The following SLC36A4 variants were observed in gnomAD, a reference collection of about 807,000 sequenced individuals.
The protein encoded by SLC36A4 is neutral amino acid uniporter 4.
A neutral mutation model predicts 50.5 loss-of-function variants in SLC36A4; 49 were observed. The observed-to-expected ratio is 0.97, with a 90% confidence interval of 0.77 to 1.23. The LOEUF (loss-of-function observed/expected upper bound fraction) is 1.23, where lower values mean the gene tolerates loss of function less well. Among genes scored for constraint, SLC36A4 ranks in the 50% most tolerant of loss-of-function variants. The probability of loss-of-function intolerance (pLI) is 0.00; values close to 1 mark genes in which losing one functional copy is unlikely to be tolerated. For missense variants in SLC36A4, 611 were observed against 608.4 expected, an observed-to-expected ratio of 1.00 and a Z score of -0.05; for synonymous variants, 207 against 206.5, an observed-to-expected ratio of 1.00 and a Z score of -0.02.
At chr11:93,171,681 T>C (rs1861141513) in intron 6 of SLC36A4, 1 of 152,080 alleles carries the variant, frequency 6.6e-6, no homozygotes, top group African/African-American at 2.4e-5. Context: ...AGTACTACCA[T>C]GTTACACGAC....
chr11:93,179,757 T>C (rs2134688763), intron 6 of SLC36A4, among the ~76,000 whole-genome samples: 1 of 152,324 alleles, frequency 6.6e-6, no homozygotes, highest in Non-Finnish European at 1.5e-5. Context: ...GTTAAAAAAC[T>C]ATGGTCTGCA....
chr11:93,175,338 T>C (rs1303170476), intron 6 of SLC36A4, among the ~76,000 whole-genome samples: 5 of 150,074 alleles, frequency 3.3e-5, no homozygotes, highest in African/African-American at 2.4e-5. Flanking sequence ...TCTTCTCTCT[T>C]TTTTTCTTTA....
intron 1 of SLC36A4, among the ~76,000 whole-genome samples, chr11:93,191,226 G>T (rs1448700316): frequency 6.6e-6 from 1 of 152,024 alleles, no homozygotes; most frequent in Non-Finnish European, 1.5e-5. Flanking sequence ...TCCAATTTAG[G>T]TATACACTAT....
In SLC36A4 at chr11:93,181,599, T is replaced by C. The variant is rs61920515; in HGVS notation, c.455+92A>G. 266,586 of 941,892 alleles carry C rather than the reference T, an allele frequency of 0.28. 40,363 individuals are homozygous for C. Among genetic ancestry groups the C allele is most frequent in the East Asian group, 0.34 (10,212 of 30,432 alleles). 58.3% of individuals were successfully genotyped at this position (941,892 alleles called of 1,614,324 possible). On this transcript the variant is annotated intron_variant, in intron 5 of 10. Transcript: ENST00000326402. Reference sequence around the variant, plus strand: ...TACATATGTTTATTCCCCAACTTTATCATATTTTTATTTATATATATTGTT... The same window carrying C: ...TACATATGTTTATTCCCCAACTTTACCATATTTTTATTTATATATATTGTT...
At chr11:93,186,579 T>G (rs897976138) in intron 1 of SLC36A4, among the ~76,000 whole-genome samples, 8 of 152,208 alleles carry the variant, frequency 5.3e-5, no homozygotes, top group African/African-American at 1.7e-4. Context: ...CTTCTACCTA[T>G]TACCTATACA....
At chr11:93,188,710 T>C (rs1862091227) in intron 1 of SLC36A4, among the ~76,000 whole-genome samples, 1 of 152,202 alleles carries the variant, frequency 6.6e-6, no homozygotes, top group African/African-American at 2.4e-5. Flanking sequence ...TCACCTTCTG[T>C]TTGGATAAAG....
At chr11:93,196,272 C>G (rs1247951902) in intron 1 of SLC36A4, among the ~76,000 whole-genome samples, 1 of 152,114 alleles carries the variant, frequency 6.6e-6, no homozygotes. Flanking sequence ...CAGCTTTTCT[C>G]TATATACTAT....
At chr11:93,166,991 C>T (rs1860899310) in intron 7 of SLC36A4, 1 of 152,148 alleles carries the variant, frequency 6.6e-6, no homozygotes, top group Admixed American at 6.6e-5. Flanking sequence ...AACAGCAGCT[C>T]ACGCTGTTCC....
At chr11:93,155,871 C>T (rs926943593) in intron 9 of SLC36A4, among the ~76,000 whole-genome samples, 13 of 152,134 alleles carry the variant, frequency 8.5e-5, no homozygotes, top group African/African-American at 2.7e-4. Flanking sequence ...GTAATGACCT[C>T]CAGCTCCATC....
chr11:93,165,040 G>A (rs942975410), intron 8 of SLC36A4, among the ~76,000 whole-genome samples: 5 of 152,108 alleles, frequency 3.3e-5, no homozygotes, highest in Admixed American at 1.3e-4. Context: ...CTGTAGTTAC[G>A]TTTACAACAG....
At position 93,195,080 on chromosome 11, in the gene SLC36A4, C is replaced by T. The variant is rs72968563; in HGVS notation, c.55+2698G>A. Among the ~76,000 whole-genome samples the T allele has an allele frequency of 1.2e-3, 183 of 151,556 alleles. 1 individual carries two copies. In the South Asian group the frequency reaches 0.014, roughly 12 times the overall value. ...TCCTCACAACATGACAGCTGGCTTC[C>T]CTTCAAGTGAGTGATTCAAAAAGAG... On this transcript the variant is annotated intron_variant, in intron 1 of 10. Coordinates refer to ENST00000326402, the MANE Select transcript of SLC36A4 (RefSeq NM_152313.4).
rs1460660998 is a variant in SLC36A4 at position 93,148,400 on chromosome 11, A to C, written c.*137T>G. ...CCACTACTGGTAAAGAGTTATGATT[A>C]CTTCCAAAATATTAATATCGTGCCA... On this transcript the variant is annotated 3_prime_UTR_variant, in exon 11 of 11. Transcript: ENST00000326402. The C allele has an allele frequency of 5.0e-6, 4 of 795,746 alleles. No individual in the cohort carries two copies. The highest frequency in any genetic ancestry group is 8.1e-6 in the Non-Finnish European group (4 of 495,260). 49.3% of individuals were successfully genotyped at this position (795,746 alleles called of 1,614,324 possible). A position where few individuals can be genotyped will look rare whatever the true frequency, so the allele number is the denominator to read the frequency against.
chr11:93,184,360 C>G, intron 3 of SLC36A4, 70 bp downstream of exon 3: 1 of 914,436 alleles, frequency 1.1e-6, no homozygotes, highest in South Asian at 1.4e-5. Context: ...TTGACTAGGC[C>G]AGATATTAGG....
chr11:93,162,493 C>T (rs1565220764), intron 9 of SLC36A4, among the ~76,000 whole-genome samples: 1 of 151,786 alleles, frequency 6.6e-6, no homozygotes, highest in African/African-American at 2.4e-5. Flanking sequence ...ATTTTTAGTA[C>T]AGATGGGGTT....
At chr11:93,178,227 A>G (rs1861578743) in intron 6 of SLC36A4, among the ~76,000 whole-genome samples, 1 of 152,106 alleles carries the variant, frequency 6.6e-6, no homozygotes, top group Admixed American at 6.5e-5. Context: ...TTGGTGTGCC[A>G]TTTGCTAAGA....
intron 6 of SLC36A4, 82 bp from the exon 7 acceptor site, chr11:93,168,253 T>A (rs1860974653): frequency 1.4e-6 from 1 of 724,352 alleles, no homozygotes; most frequent in Admixed American, 2.8e-5. Context: ...ACAAAGAAAA[T>A]CACAACATAT....
In SLC36A4 at chr11:93,185,745, T is replaced by C. The variant is rs757180258; in HGVS notation, c.125A>G (p.Gln42Arg). 1 of 1,609,490 alleles carries C rather than the reference T, an allele frequency of 6.2e-7. No homozygotes were observed. The highest frequency in any genetic ancestry group is 8.5e-7 in the Non-Finnish European group (1 of 1,178,732). ...FDGTSDEEHE[Q>R]ELLPVQKHYQ... is the part of the protein sequence containing the mutation. ...ATGCTTCTGAACAGGCAGAAGCTCT[T>C]GCTCATGTTCTTCATCTGATGTCCC... The change falls in exon 2 of 11, where the codon CAA becomes CGA. Residue 42 changes from glutamine to arginine, a missense_variant. By Grantham distance (43) the Gln-to-Arg change is conservative (BLOSUM62 1). Transcript: ENST00000326402.
intron 1 of SLC36A4, among the ~76,000 whole-genome samples, chr11:93,196,086 T>C (rs1388899972): frequency 6.6e-6 from 1 of 152,210 alleles, no homozygotes; most frequent in Non-Finnish European, 1.5e-5. Context: ...GGAAGCTCAA[T>C]GAATATGTGT....
intron 10 of SLC36A4, among the ~76,000 whole-genome samples, chr11:93,149,210 C>A (rs1719933633): frequency 6.6e-6 from 1 of 151,950 alleles, no homozygotes; most frequent in Admixed American, 6.6e-5. Flanking sequence ...AGTGGTGGGA[C>A]ATAAATAAAT....
Sources: allele counts gnomAD v4.1 joint callset (sites outside exome capture counted in the v4.1 genomes callset), GRCh38; gene constraint gnomAD v4.1.1; transcripts MANE v1.5; gene names NCBI Gene and HGNC (gene_info 2026-07-23, HGNC 2026-07-21).